Variants in SMG6 observed in about 807,000 individuals in gnomAD.
SMG6 encodes the protein telomerase-binding protein EST1A.
Under a neutral mutation model 142.2 loss-of-function variants are expected in SMG6, and 66 were observed. The observed-to-expected ratio is 0.46, with a 90% CI of 0.38 to 0.57. The LOEUF is 0.57. SMG6 is among the 20% of genes least tolerant of loss of function. The pLI is 0.00. For missense variants in SMG6, 1,793 were observed against 1,832.0 expected (o/e 0.98, Z 0.39); for synonymous variants, 779 against 702.4 (o/e 1.11, Z -1.72).
intron 1 of SMG6, 98 bp from the exon 2 acceptor site, chr17:2,300,762 A>G (rs906556237): frequency 8.9e-7 from 1 of 1,128,704 alleles, no homozygotes; most frequent in African/African-American, 1.6e-5. Flanking sequence ...AGTAACAAAA[A>G]AAGTCGAGCA....
At chr17:2,272,584 G>A (rs1186116955) in intron 8 of SMG6, among the ~76,000 whole-genome samples, 3 of 152,216 alleles carry the variant, frequency 2.0e-5, no homozygotes, top group Non-Finnish European at 2.9e-5. Flanking sequence ...TGAGGTGCAT[G>A]TTCCTAGCTA....
intron 13 of SMG6, among the ~76,000 whole-genome samples, chr17:2,147,069 T>TA (rs1197090958): frequency 1.3e-5 from 2 of 152,014 alleles, no homozygotes; most frequent in Admixed American, 6.6e-5. Flanking sequence ...ATATATGAGA[T>TA]AGAGTTTTTG....
chr17:2,106,310 T>C (rs529783358), intron 13 of SMG6, among the ~76,000 whole-genome samples: 65 of 152,278 alleles, frequency 4.3e-4, no homozygotes, highest in Admixed American at 7.8e-4. Context: ...ACTCTGCACA[T>C]GCCATTGTTC....
At chr17:2,123,065 C>T (rs1379040240) in intron 13 of SMG6, among the ~76,000 whole-genome samples, 2 of 152,236 alleles carry the variant, frequency 1.3e-5, no homozygotes, top group South Asian at 2.1e-4. Context: ...AGTGAAGCAA[C>T]GCTAGACAAT....
At chr17:2,066,777 A>G (rs1477863330) in intron 16 of SMG6, among the ~76,000 whole-genome samples, 2 of 151,840 alleles carry the variant, frequency 1.3e-5, no homozygotes, top group African/African-American at 4.8e-5. Flanking sequence ...AGATGGGTGT[A>G]TGGTACAGCA....
chr17:2,141,658 G>T (rs969107885), intron 13 of SMG6, among the ~76,000 whole-genome samples: 8 of 152,052 alleles, frequency 5.3e-5, no homozygotes, highest in Non-Finnish European at 1.2e-4. Flanking sequence ...TGCATGGCTG[G>T]TCTTGAACTC....
intron 13 of SMG6, among the ~76,000 whole-genome samples, chr17:2,097,583 C>T (rs932880735): frequency 9.9e-5 from 15 of 152,132 alleles, no homozygotes; most frequent in African/African-American, 3.6e-4. Flanking sequence ...ATGTTTACAC[C>T]TTTTAAACCC....
At chr17:2,255,003 A>G (rs917009629) in intron 8 of SMG6, among the ~76,000 whole-genome samples, 2 of 152,112 alleles carry the variant, frequency 1.3e-5, no homozygotes, top group Non-Finnish European at 2.9e-5. Flanking sequence ...AACAACATAT[A>G]TGATGTTCTC....
At chr17:2,105,083 A>ATTTTTTTTTTTT (rs549898049) in intron 13 of SMG6, among the ~76,000 whole-genome samples, 4 of 103,168 alleles carry the variant, frequency 3.9e-5, no homozygotes, top group African/African-American at 9.0e-5. Flanking sequence ...CACCCAGCTA[A>ATTTTTTTTTTTT]TTTTTTTTTT....
At position 2,271,047 on chromosome 17, in the gene SMG6, C is replaced by T. The variant is rs113584594; in HGVS notation, c.2661+11600G>A. Reference sequence around the variant, plus strand: ...AGGCGTGGTAGCTCACACCTGTATCCCAGCACTTTGGGAGGTTGAAGCAGG... The same window carrying T: ...AGGCGTGGTAGCTCACACCTGTATCTCAGCACTTTGGGAGGTTGAAGCAGG... On this transcript the variant is annotated intron_variant, in intron 8 of 18. Transcript: ENST00000263073. 2.5e-3 allele frequency among the ~76,000 whole-genome samples: 385 copies of T among 151,934 alleles called. 2 individuals are homozygous for T. The highest frequency in any genetic ancestry group is 8.8e-3 in the African/African-American group (366 of 41,430).
intron 13 of SMG6, among the ~76,000 whole-genome samples, chr17:2,166,134 C>T (rs1353133468): frequency 6.6e-6 from 1 of 152,000 alleles, no homozygotes; most frequent in Non-Finnish European, 1.5e-5. Context: ...ATCACTTGAA[C>T]TTGATAGGTG....
At chr17:2,077,943 G>A (rs563428776) in intron 15 of SMG6, among the ~76,000 whole-genome samples, 1 of 152,236 alleles carries the variant, frequency 6.6e-6, no homozygotes, top group South Asian at 2.1e-4. Context: ...AGAAGAGGCT[G>A]GAAAAACAGA....
chr17:2,083,235 T>C (rs1257256591), intron 14 of SMG6, among the ~76,000 whole-genome samples: 1 of 152,188 alleles, frequency 6.6e-6, no homozygotes, highest in Non-Finnish European at 1.5e-5. Flanking sequence ...CAGACTGCTC[T>C]CTTCTCTAAC....
intron 13 of SMG6, among the ~76,000 whole-genome samples, chr17:2,128,770 G>A (rs1450366359): frequency 1.4e-5 from 2 of 140,362 alleles, no homozygotes; most frequent in Non-Finnish European, 3.0e-5. Context: ...GTTGCACTGA[G>A]CCAAGATCGC....
Position 2,299,269 on chromosome 17 carries a change from T to A in SMG6, c.1484A>T (p.Gln495Leu). The A allele has an allele frequency of 1.2e-6, 2 of 1,614,126 alleles. No homozygotes were observed. Among genetic ancestry groups the A allele is most frequent in the African/African-American group, 2.7e-5 (2 of 75,020 alleles). ...PTSWGDSRQA[Q>L]ASYYKFQNSD... ...GTTTTGAAACTTATAGTAAGATGCC[T>A]GAGCCTGGCGTGAGTCACCCCAAGA... Residue 495 changes from glutamine (Q) to leucine (L), a missense_variant, in exon 2 of 19, where the codon CAG (glutamine) becomes CTG (leucine). This residue lies in a region of SMG6 where 1,597 missense variants were observed against 1,584.6 expected (regional missense o/e 1.01). Transcript: ENST00000263073. The surrounding 1 kb of genome is among the most constrained non-coding windows in gnomAD (Gnocchi z 4.3).
intron 13 of SMG6, among the ~76,000 whole-genome samples, chr17:2,150,232 C>G (rs1490671361): frequency 6.6e-6 from 1 of 152,214 alleles, no homozygotes. Context: ...CCTGCGTGCT[C>G]CTTCTGAGAA....
In SMG6 at chr17:2,299,659, A is replaced by G. The variant is rs958125963; in HGVS notation, c.1094T>C (p.Met365Thr). The stretch of plus-strand genomic sequence containing the variant: ...CATATCATCCCTGGCTGACCTCACC[A>G]TGGGAGACTCTTTGTTCATGGCTTC... ...DAEAMNKESP[M>T]VRSARDDMDR... Residue 365 changes from methionine (M) to threonine (T), a missense_variant, in exon 2 of 19, where the codon ATG becomes ACG. By Grantham distance (81) the Met-to-Thr change is moderately conservative. Around this residue, in one of 3 missense-constraint regions of SMG6, gnomAD observed 1,597 missense variants for 1,584.6 expected, o/e 1.01. Coordinates refer to ENST00000263073, the MANE Select transcript of SMG6 (RefSeq NM_017575.5). This position sits in a 1 kb window ranked among gnomAD's most constrained non-coding sequence, Gnocchi z 4.3. 6.2e-7 allele frequency: 1 copy of G among 1,614,158 alleles called. No individual in the cohort carries two copies. The highest frequency in any genetic ancestry group is 1.6e-4 in the Middle Eastern group (1 of 6,062).
intron 15 of SMG6, among the ~76,000 whole-genome samples, chr17:2,081,320 T>C (rs2068418116): frequency 6.6e-6 from 1 of 152,024 alleles, no homozygotes; most frequent in Non-Finnish European, 1.5e-5. Flanking sequence ...GTGTGGAGAT[T>C]AAGTAGTTTG....
chr17:2,193,733 T>C (rs1186221914), intron 10 of SMG6, among the ~76,000 whole-genome samples: 1 of 152,232 alleles, frequency 6.6e-6, no homozygotes, highest in East Asian at 1.9e-4. Context: ...CAAGACAATG[T>C]ACTACATATC....
Sources: allele counts gnomAD v4.1 joint callset (sites outside exome capture counted in the v4.1 genomes callset), GRCh38; gene constraint gnomAD v4.1.1; regional missense constraint gnomAD v4.1.1; non-coding constraint Gnocchi (gnomAD v3.1); transcripts MANE v1.5; gene names NCBI Gene and HGNC (gene_info 2026-07-23, HGNC 2026-07-21).